Variants in SLC15A1 observed in about 807,000 individuals in gnomAD.
The protein encoded by SLC15A1 is Caco-2 oligopeptide transporter.
A neutral mutation model predicts 92.9 loss-of-function variants in SLC15A1; 83 were observed. That is an observed-to-expected ratio of 0.89 (90% CI 0.75 to 1.07). The LOEUF (loss-of-function observed/expected upper bound fraction) is 1.07. SLC15A1 is among the 50% of genes least tolerant of loss of function. The pLI is 0.00. For synonymous variants in SLC15A1, 322 were observed against 318.2 expected (o/e 1.01, Z -0.13); for missense variants, 857 against 880.1 (o/e 0.97, Z 0.33).
At chr13:98,718,160 T>C (rs2088225439) in intron 8 of SLC15A1, among the ~76,000 whole-genome samples, 1 of 152,120 alleles carries the variant, frequency 6.6e-6, no homozygotes, top group Non-Finnish European at 1.5e-5. Flanking sequence ...TATGGAAATG[T>C]AGATGTTCAT....
intron 9 of SLC15A1, among the ~76,000 whole-genome samples, chr13:98,713,908 G>A (rs540376690): frequency 5.6e-4 from 85 of 152,048 alleles, no homozygotes; most frequent in African/African-American, 1.9e-3. Flanking sequence ...TTAGCTGGGC[G>A]TGGTAGTGTA....
At chr13:98,686,020 A>C (rs965349310) in intron 22 of SLC15A1, among the ~76,000 whole-genome samples, 170 bp downstream of exon 22, 22 of 151,870 alleles carry the variant, frequency 1.4e-4, no homozygotes, top group African/African-American at 5.3e-4. Flanking sequence ...AAGAAACAGC[A>C]GACACTTTGC....
intron 11 of SLC15A1, among the ~76,000 whole-genome samples, chr13:98,710,793 G>C (rs1190363157): frequency 8.3e-6 from 1 of 121,074 alleles, no homozygotes; most frequent in Non-Finnish European, 1.6e-5. Context: ...GGGCAACAGA[G>C]TGAGACTCTT....
At chr13:98,736,552 G>C in intron 1 of SLC15A1, among the ~76,000 whole-genome samples, 1 of 152,250 alleles carries the variant, frequency 6.6e-6, no homozygotes, top group Admixed American at 6.5e-5. Flanking sequence ...GAGTGAACAG[G>C]TAACCAACAG....
intron 18 of SLC15A1, among the ~76,000 whole-genome samples, chr13:98,697,780 C>T (rs1022998450): frequency 2.4e-4 from 37 of 152,128 alleles, no homozygotes; most frequent in African/African-American, 8.7e-4. Context: ...TTTGGCCATA[C>T]GCTGCCGCAA....
intron 18 of SLC15A1, among the ~76,000 whole-genome samples, chr13:98,689,073 G>T (rs1474308255): frequency 6.6e-6 from 1 of 152,162 alleles, no homozygotes; most frequent in East Asian, 1.9e-4. Flanking sequence ...CCGCGTAGTT[G>T]GGACTACAGG....
intron 1 of SLC15A1, among the ~76,000 whole-genome samples, chr13:98,742,086 A>G (rs1349900404): frequency 6.6e-6 from 1 of 152,204 alleles, no homozygotes; most frequent in Non-Finnish European, 1.5e-5. Context: ...CCTGAGTCTC[A>G]GCAGACGCCT....
chr13:98,701,855 A>G (rs2088070906), intron 18 of SLC15A1, among the ~76,000 whole-genome samples: 1 of 151,534 alleles, frequency 6.6e-6, no homozygotes, highest in Non-Finnish European at 1.5e-5. Context: ...AAAAATTTTT[A>G]TTAGATACAG....
At chr13:98,726,722 G>T in intron 2 of SLC15A1, 121 bp downstream of exon 2, 3 of 1,027,848 alleles carry the variant, frequency 2.9e-6, no homozygotes, top group Non-Finnish European at 4.6e-6. Flanking sequence ...ATGGAAATCC[G>T]GGATCATACC....
At chr13:98,695,928 T>C (rs1203934246) in intron 18 of SLC15A1, among the ~76,000 whole-genome samples, 12 of 152,112 alleles carry the variant, frequency 7.9e-5, no homozygotes, top group Non-Finnish European at 5.9e-5. Context: ...TTCTCCTTTT[T>C]TGTGTTTTTT....
At chr13:98,692,317 C>T (rs890532391) in intron 18 of SLC15A1, among the ~76,000 whole-genome samples, 1 of 151,872 alleles carries the variant, frequency 6.6e-6, no homozygotes, top group Non-Finnish European at 1.5e-5. Context: ...CCATGCCTGG[C>T]TAATTTTTAA....
At chr13:98,718,194 A>C (rs1312146980) in intron 8 of SLC15A1, among the ~76,000 whole-genome samples, 2 of 151,766 alleles carry the variant, frequency 1.3e-5, no homozygotes, top group Non-Finnish European at 2.9e-5. Flanking sequence ...TGGCAACTGA[A>C]CCAGGTTGCC....
chr13:98,727,076 C>T (rs555934520), intron 1 of SLC15A1, among the ~76,000 whole-genome samples: 8 of 152,260 alleles, frequency 5.3e-5, no homozygotes, highest in South Asian at 2.1e-4. Context: ...AGGCAATTCT[C>T]GTATGCAGTC....
chr13:98,696,227 A>G (rs1041466926), intron 18 of SLC15A1, among the ~76,000 whole-genome samples: 2 of 120,278 alleles, frequency 1.7e-5, no homozygotes, highest in Admixed American at 1.7e-4. Context: ...CAGCCTGGCC[A>G]ATATGGTGAA....
intron 9 of SLC15A1, among the ~76,000 whole-genome samples, chr13:98,715,620 G>A (rs1439488034): frequency 1.3e-5 from 2 of 152,130 alleles, no homozygotes; most frequent in Non-Finnish European, 2.9e-5. Context: ...CTGCCATTTC[G>A]ACAGATGAAG....
intron 18 of SLC15A1, among the ~76,000 whole-genome samples, chr13:98,696,107 A>G (rs2088018575): frequency 6.6e-6 from 1 of 151,678 alleles, no homozygotes; most frequent in African/African-American, 2.4e-5. Flanking sequence ...CTCTTTGAAG[A>G]CAATTTTTTT....
intron 16 of SLC15A1, among the ~76,000 whole-genome samples, chr13:98,704,838 C>G (rs1768043): frequency 0.71 from 107,419 of 152,064 alleles, 38,998 homozygotes; most frequent in African/African-American, 0.87. Context: ...TTATTAGTTT[C>G]ACAAGGTCTA....
chr13:98,746,348 T>C (rs549224119), intron 1 of SLC15A1, among the ~76,000 whole-genome samples: 1 of 152,306 alleles, frequency 6.6e-6, no homozygotes, highest in East Asian at 1.9e-4. Flanking sequence ...GCATGTGTCT[T>C]TATGGTAGAA....
intron 21 of SLC15A1, among the ~76,000 whole-genome samples, chr13:98,686,673 C>T (rs1464884400): frequency 6.6e-6 from 1 of 152,166 alleles, no homozygotes; most frequent in Non-Finnish European, 1.5e-5. Flanking sequence ...GGCTTTCCTG[C>T]CACATCTCCA....
Sources: allele counts gnomAD v4.1 joint callset (sites outside exome capture counted in the v4.1 genomes callset), GRCh38; gene constraint gnomAD v4.1.1; transcripts MANE v1.5; gene names NCBI Gene and HGNC (gene_info 2026-07-23, HGNC 2026-07-21).